Variants in RBL2 observed in about 807,000 individuals in gnomAD.
RBL2 encodes the protein RB transcriptional corepressor like 2.
RBL2 carries 56 observed loss-of-function variants against 126.0 expected under a neutral mutation model. The ratio of observed to expected loss-of-function variants is 0.44; its 90% CI spans 0.36 to 0.56. The LOEUF (loss-of-function observed/expected upper bound fraction) is 0.56. RBL2 is among the 20% of genes least tolerant of loss of function. RBL2 has a pLI of 0.00. For missense variants in RBL2, 1,229 were observed against 1,398.2 expected, an observed-to-expected ratio of 0.88 and a Z score of 1.93; for synonymous variants, 454 against 478.5, an observed-to-expected ratio of 0.95 and a Z score of 0.67.
chr16:53,448,703 C>T (rs978876512), intron 4 of RBL2: 10 of 152,510 alleles, frequency 6.6e-5, no homozygotes, highest in South Asian at 6.2e-4. Flanking sequence ...AGGGTGGTCT[C>T]GAACTCCTGA....
At chr16:53,442,938 TG>T in intron 3 of RBL2, 80 bp downstream of exon 3, 1 of 1,067,230 alleles carries the variant, frequency 9.4e-7, no homozygotes, top group Non-Finnish European at 1.3e-6. Flanking sequence ...TTTTTTTTTC[TG>T]GTTTTAAAAA....
chr16:53,478,881 C>G, intron 17 of RBL2: 1 of 332,122 alleles, frequency 3.0e-6, no homozygotes, highest in Non-Finnish European at 5.5e-6. Flanking sequence ...CTCAGCCTCC[C>G]AAAGTGCTGG....
At chr16:53,476,758 C>G (rs1185284340) in intron 17 of RBL2, among the ~76,000 whole-genome samples, 1 of 151,922 alleles carries the variant, frequency 6.6e-6, no homozygotes, top group Non-Finnish European at 1.5e-5. Context: ...TTTTTTTGTC[C>G]TGAAGTCTGA....
chr16:53,447,042 G>A lies in RBL2; in HGVS notation c.573G>A (p.Arg191=), dbSNP rs1164344097. 5 of 1,508,480 alleles carry A rather than the reference G, an allele frequency of 3.3e-6. No individual in the cohort carries two copies. Among genetic ancestry groups the A allele is most frequent in the Non-Finnish European group, 4.4e-6 (5 of 1,132,868 alleles). The allele number at this position is 1,508,480 out of a possible 1,614,324, so 93.4% of individuals were successfully genotyped here. The change falls in exon 4 of 22, where the codon CGG becomes CGA. Residue 191 remains arginine (R), a splice_region_variant and synonymous_variant. Transcript: ENST00000262133. ...GACTTTTTTTTTTCTTCCCCCAAAG[G>A]CGACAGCCCTGTACTGTGTCTGAAA... ...QPRQQRGRKQ[R]RQPCTVSEIF... is the part of the protein sequence containing the mutation.
At chr16:53,485,198 T>C (rs1409715064) in intron 21 of RBL2, among the ~76,000 whole-genome samples, 1 of 152,128 alleles carries the variant, frequency 6.6e-6, no homozygotes, top group Non-Finnish European at 1.5e-5. Flanking sequence ...TCTCGATAAA[T>C]GTTAAAAGGG....
intron 4 of RBL2, chr16:53,449,231 T>TAAAA (rs2058090646): frequency 6.6e-6 from 1 of 152,210 alleles, no homozygotes; most frequent in Non-Finnish European, 1.5e-5. Flanking sequence ...CTAGGATTTT[T>TAAAA]ATCTGTTTTG....
chr16:53,488,710 T>G (rs1298426586), intron 21 of RBL2: 1 of 152,236 alleles, frequency 6.6e-6, no homozygotes, highest in Admixed American at 6.5e-5. Flanking sequence ...TCATTAGTGA[T>G]ACTTGACAGA....
In RBL2 at chr16:53,482,924, A is replaced by G. The variant is rs559918877; in HGVS notation, c.3249+1089A>G. On this transcript the variant is annotated intron_variant, in intron 21 of 21. Coordinates refer to ENST00000262133, the MANE Select transcript of RBL2 (RefSeq NM_005611.4). The stretch of plus-strand genomic sequence containing the variant: ...CGGGGAAGGTATCATTGAGGAGACT[A>G]GGGAGACACGACATCCAAATGCAAT... Among the ~76,000 whole-genome samples, 4 of 152,232 alleles carry G rather than the reference A, an allele frequency of 2.6e-5. No individual in the cohort carries two copies. In the East Asian group the frequency reaches 7.7e-4, roughly 29 times the overall value.
chr16:53,454,636 T>G lies in RBL2; in HGVS notation c.993-20T>G. On this transcript the variant is annotated intron_variant, in intron 7 of 21. Coordinates refer to ENST00000262133, the MANE Select transcript of RBL2 (RefSeq NM_005611.4). ...GTTCTGTGAGAGAGTACATTTTGTC[T>G]GTATTTGTTTTTCCTATAGTAAAGC... 13 of 1,561,812 alleles carry G rather than the reference T, an allele frequency of 8.3e-6. No individual in the cohort carries two copies. The highest frequency in any genetic ancestry group is 1.1e-5 in the Non-Finnish European group (13 of 1,141,754).
In RBL2 at chr16:53,490,305, A is replaced by G. The variant is rs1466007965; in HGVS notation, c.*5A>G. The G allele has an allele frequency of 6.3e-7, 1 of 1,593,244 alleles. No individual in the cohort carries two copies. Among genetic ancestry groups the G allele is most frequent in the East Asian group, 2.2e-5 (1 of 44,466 alleles). ...AATGACCGTGGTTCCCACTGAGGTT[A>G]GTCTCTTGTATTAAACTCTTCACAA... is the stretch of plus-strand genomic sequence containing the variant. On this transcript the variant is annotated 3_prime_UTR_variant, in exon 22 of 22. Transcript: ENST00000262133.
At position 53,491,426 on chromosome 16, in the gene RBL2, T is replaced by C. The variant is rs1961446296; in HGVS notation, c.*1126T>C. The C allele has an allele frequency of 2.0e-5, 3 of 152,378 alleles. No individual in the cohort carries two copies. The highest frequency in any genetic ancestry group is 7.2e-5 in the African/African-American group (3 of 41,456). 9.4% of individuals were successfully genotyped at this position (152,378 alleles called of 1,614,324 possible). On this transcript the variant is annotated 3_prime_UTR_variant, in exon 22 of 22. Coordinates refer to ENST00000262133, the MANE Select transcript of RBL2 (RefSeq NM_005611.4). ...ATTAATCACTATTGTTCCAGCAGTTTTCAAGTCAAATTAATAATCTTATTA... is the reference window on the plus strand; with the variant it reads ...ATTAATCACTATTGTTCCAGCAGTTCTCAAGTCAAATTAATAATCTTATTA...
At chr16:53,452,935 G>A (rs980191898) in intron 5 of RBL2, among the ~76,000 whole-genome samples, 1 of 151,962 alleles carries the variant, frequency 6.6e-6, no homozygotes, top group Non-Finnish European at 1.5e-5. Flanking sequence ...CTCCCAAAGT[G>A]GATTATAGGA....
At chr16:53,476,513 ATT>A (rs1392924982) in intron 17 of RBL2, among the ~76,000 whole-genome samples, 2 of 152,132 alleles carry the variant, frequency 1.3e-5, no homozygotes, top group African/African-American at 2.4e-5. Flanking sequence ...ATTGTTTTAT[ATT>A]GTTAGTAAAG....
Position 53,470,599 on chromosome 16 carries a change from A to G in RBL2, c.2462A>G (p.Gln821Arg). The change falls in exon 16 of 22, where the codon CAG (glutamine) becomes CGG (arginine). Residue 821 changes from glutamine to arginine, a missense_variant. Gln to Arg is a conservative substitution (Grantham distance 43, BLOSUM62 1). Transcript: ENST00000262133. ...SPGGQQQKQG[Q>R]SVTSSSNRPR... is the part of the protein sequence containing the mutation. Reference sequence around the variant, plus strand: ...GGTGGCCAACAGCAGAAGCAAGGCCAGTCTGTAACCAGCAGTAGTAATAGA... The same window carrying G: ...GGTGGCCAACAGCAGAAGCAAGGCCGGTCTGTAACCAGCAGTAGTAATAGA... 1.2e-6 allele frequency: 2 copies of G among 1,614,262 alleles called. No individual in the cohort carries two copies. Among genetic ancestry groups the G allele is most frequent in the Non-Finnish European group, 1.7e-6 (2 of 1,180,046 alleles).
chr16:53,480,402 T>G (rs1960893918), intron 19 of RBL2, 165 bp from the exon 20 acceptor site: 1 of 638,924 alleles, frequency 1.6e-6, no homozygotes. Flanking sequence ...GGGAGAAAGT[T>G]AATATCCTAG....
Position 53,443,634 on chromosome 16 carries a change from T to C in RBL2, c.572+776T>C, listed in dbSNP as rs1598089805. 1.2e-4 allele frequency among the ~76,000 whole-genome samples: 19 copies of C among 152,314 alleles called. 1 individual carries two copies. In the South Asian group the frequency reaches 3.9e-3, roughly 32 times the overall value. ...GAATACACATTTTCCTTCTTTATCATTGAAAGTTTTTTCATAAAGTAGAAA... is the reference window on the plus strand; with the variant it reads ...GAATACACATTTTCCTTCTTTATCACTGAAAGTTTTTTCATAAAGTAGAAA... On this transcript the variant is annotated intron_variant, in intron 3 of 21. Coordinates refer to ENST00000262133, the MANE Select transcript of RBL2 (RefSeq NM_005611.4).
At chr16:53,455,454 A>T (rs2150797531) in intron 8 of RBL2, among the ~76,000 whole-genome samples, 1 of 152,334 alleles carries the variant, frequency 6.6e-6, no homozygotes, top group East Asian at 1.9e-4. Flanking sequence ...TTCAACAGAT[A>T]TTCCTAAAGC....
rs142140497 is a variant in RBL2, at chr16:53,462,138, A to G, written c.1456+288A>G. On this transcript the variant is annotated intron_variant, in intron 10 of 21. Coordinates refer to ENST00000262133, the MANE Select transcript of RBL2 (RefSeq NM_005611.4). ...TAAATAGAAGTGTAGTGATTCTTCAACATATTGAGAATAAGGACAGGAGAT... is the reference window on the plus strand; with the variant it reads ...TAAATAGAAGTGTAGTGATTCTTCAGCATATTGAGAATAAGGACAGGAGAT... Among the ~76,000 whole-genome samples, 690 of 152,294 alleles carry G rather than the reference A, an allele frequency of 4.5e-3. 2 individuals are homozygous for G. Among genetic ancestry groups the G allele is most frequent in the African/African-American group, 0.016 (668 of 41,544 alleles).
intron 7 of RBL2, chr16:53,454,139 A>C: frequency 2.5e-6 from 1 of 405,254 alleles, no homozygotes; most frequent in East Asian, 7.2e-5. Context: ...CTGTCAGCAA[A>C]ATACTTGTAC....
Sources: allele counts gnomAD v4.1 joint callset (sites outside exome capture counted in the v4.1 genomes callset), GRCh38; gene constraint gnomAD v4.1.1; transcripts MANE v1.5; gene names NCBI Gene and HGNC (gene_info 2026-07-23, HGNC 2026-07-21).